The following ITGB2 variants were observed in gnomAD, a reference collection of about 807,000 sequenced individuals.
The protein encoded by ITGB2 is integrin subunit beta 2.
In ITGB2, 56 loss-of-function variants were observed where a neutral mutation model predicts 86.8. The ratio of observed to expected loss-of-function variants is 0.65; its 90% CI spans 0.52 to 0.81. The LOEUF (loss-of-function observed/expected upper bound fraction) is 0.81. ITGB2 is among the 30% of genes least tolerant of loss of function. The probability of loss-of-function intolerance (pLI) is 0.00; values close to 1 mark genes in which losing one functional copy is unlikely to be tolerated. For missense variants in ITGB2, 948 were observed against 1,061.2 expected (o/e 0.89, Z 1.48); for synonymous variants, 457 against 450.4 (o/e 1.01, Z -0.19).
rs200423927 is a variant in ITGB2, at chr21:44,900,459, C to A, written c.758G>T (p.Arg253Leu). The A allele has an allele frequency of 6.2e-7, 1 of 1,613,816 alleles. No individual in the cohort carries two copies. The highest frequency in any genetic ancestry group is 1.3e-5 in the African/African-American group (1 of 74,926). ...VAACPEEIGWRNVTRLLVFAT... is the reference protein window; with the variant it reads ...VAACPEEIGWLNVTRLLVFAT... ...AAACACCAGCAGCCGCGTGACGTTG[C>A]GCCAGCCGATTTCCTCCTGAGAAGA... is the stretch of plus-strand genomic sequence containing the variant. Residue 253 changes from arginine to leucine, a missense_variant, in exon 7 of 16, where the codon CGC (arginine) becomes CTC (leucine). Coordinates refer to ENST00000652462, the MANE Select transcript of ITGB2 (RefSeq NM_000211.5).
chr21:44,914,645 C>T (rs972078034), intron 1 of ITGB2, among the ~76,000 whole-genome samples: 4 of 152,194 alleles, frequency 2.6e-5, no homozygotes, highest in African/African-American at 7.2e-5. Flanking sequence ...AGGAAGAGGC[C>T]AGCCTGGTGG....
rs751548696 is a variant in ITGB2 at position 44,900,392 on chromosome 21, C to T, written c.825G>A (p.Leu275=). 1 of 1,614,150 alleles carries T rather than the reference C, an allele frequency of 6.2e-7. No homozygotes were observed. Among genetic ancestry groups the T allele is most frequent in the Non-Finnish European group, 8.5e-7 (1 of 1,179,998 alleles). The change falls in exon 7 of 16, where the codon CTG becomes CTA. Residue 275 remains leucine (L), a synonymous_variant. Coordinates refer to ENST00000652462, the MANE Select transcript of ITGB2 (RefSeq NM_000211.5). The part of the protein sequence containing the change: ...DGFHFAGDGK[L]GAILTPNDGR... ...CGTCGTTGGGGGTCAGGATGGCGCC[C>T]AGCTTCCCGTCGCCCGCGAAATGGA...
intron 15 of ITGB2, 105 bp downstream of exon 15, chr21:44,886,631 G>C: frequency 3.3e-6 from 5 of 1,535,800 alleles, no homozygotes; most frequent in Non-Finnish European, 4.5e-6. Context: ...TGGGGAGGCC[G>C]GGGTGCAGCC....
intron 1 of ITGB2, among the ~76,000 whole-genome samples, chr21:44,918,487 C>T (rs540504429): frequency 1.3e-5 from 2 of 152,306 alleles, no homozygotes; most frequent in East Asian, 3.9e-4. Flanking sequence ...AGCTGGAGTG[C>T]GCACAATTGG....
In ITGB2 at chr21:44,886,870, C is replaced by A; in HGVS notation, c.2113G>T (p.Val705Phe). Residue 705 changes from valine to phenylalanine, a missense_variant, in exon 15 of 16, where the codon GTC becomes TTC. Physicochemically the swap from Val to Phe is conservative, Grantham distance 50 (BLOSUM62 -1). Coordinates refer to ENST00000652462, the MANE Select transcript of ITGB2 (RefSeq NM_000211.5). ...CVAGPNIAAI[V>F]GGTVAGIVLI... ...ACGATGCCTGCCACGGTGCCCCCGA[C>A]GATGGCGGCGATGTTGGGGCCTGCC... 6.2e-7 allele frequency: 1 copy of A among 1,613,490 alleles called. No homozygotes were observed. The highest frequency in any genetic ancestry group is 8.5e-7 in the Non-Finnish European group (1 of 1,180,020).
At chr21:44,892,390 C>T (rs1454887598) in intron 10 of ITGB2, among the ~76,000 whole-genome samples, 3 of 152,180 alleles carry the variant, frequency 2.0e-5, no homozygotes, top group South Asian at 4.1e-4. Flanking sequence ...GAGGCCGAGG[C>T]GGGTAGATCA....
intron 4 of ITGB2, among the ~76,000 whole-genome samples, chr21:44,904,410 T>A (rs2084011803): frequency 2.0e-5 from 3 of 150,262 alleles, no homozygotes; most frequent in Admixed American, 6.6e-5. Context: ...CAAATATAAC[T>A]CATGCACACA....
chr21:44,899,213 C>T (rs1018241492), intron 7 of ITGB2, 51 bp from the exon 8 acceptor site: 1 of 1,353,530 alleles, frequency 7.4e-7, no homozygotes, highest in African/African-American at 1.4e-5. Context: ...GACAAGGCTT[C>T]CAGGTACCCG....
chr21:44,910,028 G>C (rs193040104), intron 3 of ITGB2, among the ~76,000 whole-genome samples: 33 of 152,342 alleles, frequency 2.2e-4, no homozygotes, highest in African/African-American at 7.7e-4. Flanking sequence ...AGTACTAAGA[G>C]ACAAAGGGCT....
intron 1 of ITGB2, among the ~76,000 whole-genome samples, chr21:44,913,131 C>A (rs1271237007): frequency 6.8e-6 from 1 of 147,728 alleles, no homozygotes; most frequent in African/African-American, 2.5e-5. Context: ...CTTCAGGACT[C>A]CCCCAGGGTG....
chr21:44,925,974 G>A (rs529532967), intron 1 of ITGB2, among the ~76,000 whole-genome samples: 31 of 152,234 alleles, frequency 2.0e-4, no homozygotes, highest in Admixed American at 3.9e-4. Flanking sequence ...GCATGGTGGC[G>A]GGTGCCTGTA....
At chr21:44,886,461 G>A (rs2083700037) in intron 15 of ITGB2, 31 bp from the exon 16 acceptor site, 2 of 1,608,932 alleles carry the variant, frequency 1.2e-6, no homozygotes, top group East Asian at 2.2e-5. Flanking sequence ...GGGCTTGTGA[G>A]TGTGGGAGGT....
rs571495723 is a variant in ITGB2, at chr21:44,889,093, G to C, written c.1877+183C>G. On this transcript the variant is annotated intron_variant, in intron 13 of 15. Transcript: ENST00000652462. ...TGATCCCAGGGCCCGCGGCAGGTGC[G>C]CACAGGAGGGAGGAGGGACACAGGG... The C allele has an allele frequency of 5.7e-6, 4 of 701,150 alleles. No individual in the cohort carries two copies. In the East Asian group the frequency reaches 1.1e-4, roughly 19 times the overall value. 43.4% of individuals were successfully genotyped at this position (701,150 alleles called of 1,614,324 possible).
At chr21:44,918,599 C>T (rs892719879) in intron 1 of ITGB2, among the ~76,000 whole-genome samples, 3 of 152,342 alleles carry the variant, frequency 2.0e-5, no homozygotes, top group South Asian at 2.1e-4. Flanking sequence ...AGATAGGGCC[C>T]CTCCCATCTC....
At chr21:44,907,731 C>T (rs1387389914) in intron 3 of ITGB2, among the ~76,000 whole-genome samples, 4 of 152,284 alleles carry the variant, frequency 2.6e-5, no homozygotes, top group South Asian at 4.1e-4. Flanking sequence ...GGGCCAGAAG[C>T]GCGTGTTTGT....
At chr21:44,886,542 C>G (rs564551987) in intron 15 of ITGB2, 112 bp from the exon 16 acceptor site, 3 of 1,415,132 alleles carry the variant, frequency 2.1e-6, no homozygotes, top group East Asian at 4.6e-5. Context: ...AAGAGCTAGA[C>G]GTGGGGCAGC....
chr21:44,918,148 C>G (rs768928879), intron 1 of ITGB2, among the ~76,000 whole-genome samples: 2 of 152,248 alleles, frequency 1.3e-5, no homozygotes, highest in Non-Finnish European at 2.9e-5. Flanking sequence ...GGCTTCCCAG[C>G]GACCTGGCCT....
rs908090076 is a variant in ITGB2, at chr21:44,905,207, C to A, written c.329-1672G>T. The stretch of plus-strand genomic sequence containing the variant: ...GCAGGCTGCGGGGGTAGGGCCAGGA[C>A]CCCGCGAGAGGACAGTCCCTTCCCA... On this transcript the variant is annotated intron_variant, in intron 4 of 15. Coordinates refer to ENST00000652462, the MANE Select transcript of ITGB2 (RefSeq NM_000211.5). 1.3e-5 allele frequency among the ~76,000 whole-genome samples: 2 copies of A among 152,134 alleles called. 1 individual carries two copies. Among genetic ancestry groups the A allele is most frequent in the Non-Finnish European group, 2.9e-5 (2 of 68,008 alleles).
At chr21:44,927,824 A>G (rs2084394485) in intron 1 of ITGB2, 1 of 152,222 alleles carries the variant, frequency 6.6e-6, no homozygotes, top group Non-Finnish European at 1.5e-5. Flanking sequence ...GGGTGCTCCA[A>G]CGAGCTCTTT....
Sources: allele counts gnomAD v4.1 joint callset (sites outside exome capture counted in the v4.1 genomes callset), GRCh38; gene constraint gnomAD v4.1.1; transcripts MANE v1.5; gene names NCBI Gene and HGNC (gene_info 2026-07-23, HGNC 2026-07-21).